The following TMEM204 variants were observed in gnomAD, a reference collection of about 807,000 sequenced individuals.
The protein encoded by TMEM204 is transmembrane protein 204.
In TMEM204, 15 loss-of-function variants were observed where a neutral mutation model predicts 19.4. The observed-to-expected ratio is 0.77, with a 90% CI of 0.52 to 1.19. The LOEUF (loss-of-function observed/expected upper bound fraction) is 1.19. Ranked by LOEUF, TMEM204 falls within the 50% of genes most tolerant of loss-of-function variation. The pLI is 0.00. For synonymous variants in TMEM204, 161 were observed against 146.0 expected (o/e 1.10, Z -0.74); for missense variants, 287 against 321.2 (o/e 0.89, Z 0.81).
In TMEM204 at chr16:1,553,296, CTCTCTGTGTCTCTG is replaced by C. The variant is rs979405297; in HGVS notation, c.437-1469_437-1456del. The C allele has an allele frequency of 2.0e-5, 20 of 983,444 alleles. No individual in the cohort carries two copies. In the South Asian group the frequency reaches 2.4e-4, roughly 12 times the overall value. The allele number at this position is 983,444 out of a possible 1,614,324, so 60.9% of individuals were successfully genotyped here. The stretch of plus-strand genomic sequence containing the variant: ...TCTGTCTCTCTGTGTCTCTGCCTGT[CTCTCTGTGTCTCTG>C]TCTCTGTGTCTCTGTCCCTGTGTCT... On this transcript the variant is annotated intron_variant, in intron 2 of 2. Transcript: ENST00000566264. The surrounding 1 kb of genome is among the most constrained non-coding windows in gnomAD (Gnocchi z 4.4).
At position 1,534,695 on chromosome 16, in the gene TMEM204, AG is replaced by A. The variant is rs549940723; in HGVS notation, c.280+145del. 35 of 1,269,952 alleles carry A rather than the reference AG, an allele frequency of 2.8e-5. No homozygotes were observed. In the African/African-American group the frequency reaches 5.1e-4, roughly 19 times the overall value. The allele number at this position is 1,269,952 out of a possible 1,614,324, so 78.7% of individuals were successfully genotyped here. A position where few individuals can be genotyped will look rare whatever the true frequency, so the allele number is the denominator to read the frequency against. ...TGAGCGTGGCCTCTGGGCAGGCAGGAGGGGGCACTGTGTCTCCCAGGGAACC... is the reference window on the plus strand; with the variant it reads ...TGAGCGTGGCCTCTGGGCAGGCAGGAGGGGCACTGTGTCTCCCAGGGAACC... On this transcript the variant is annotated intron_variant, in intron 1 of 2. Coordinates refer to ENST00000566264, the MANE Select transcript of TMEM204 (RefSeq NM_024600.6).
rs2032964888 is a variant in TMEM204 at position 1,554,916 on chromosome 16, C to T, written c.571C>T (p.Leu191Phe). 1 of 1,614,248 alleles carries T rather than the reference C, an allele frequency of 6.2e-7. No individual in the cohort carries two copies. The highest frequency in any genetic ancestry group is 1.6e-4 in the Middle Eastern group (1 of 6,062). ...GGCAGCCATGCTCATCTGGAACATT[C>T]TCCACAAGAGGGAGGACTGCATGGC... Reference protein sequence around the residue: ...LAAAMLIWNILHKREDCMAPR... With the variant: ...LAAAMLIWNIFHKREDCMAPR... The change falls in exon 3 of 3, where the codon CTC (leucine) becomes TTC (phenylalanine). Residue 191 changes from leucine to phenylalanine, a missense_variant. Leu to Phe is a conservative substitution (Grantham distance 22). Transcript: ENST00000566264.
intron 1 of TMEM204, among the ~76,000 whole-genome samples, chr16:1,536,038 G>A (rs999073610): frequency 6.6e-6 from 1 of 152,232 alleles, no homozygotes; most frequent in Non-Finnish European, 1.5e-5. Flanking sequence ...CCTGGAGGTG[G>A]GGCCGGGCGC....
upstream of TMEM204, chr16:1,530,745 C>CCCGTGGGGAGCGGGAGAG (rs2030386836): frequency 6.6e-6 from 1 of 152,274 alleles, no homozygotes; most frequent in African/African-American, 2.4e-5. Context: ...AGAGAGCCCG[C>CCCGTGGGGAGCGGGAGAG]AGGCCGGCCC....
rs117050042 is a variant in TMEM204, at chr16:1,536,882, A to G, written c.280+2327A>G. 1.1e-3 allele frequency among the ~76,000 whole-genome samples: 163 copies of G among 152,224 alleles called. 3 individuals are homozygous for G. In the South Asian group the frequency reaches 0.029, roughly 28 times the overall value. ...CCACTCACGTGCACCCATGTCCCCA[A>G]TCGGGTGAGGGGCTGCTACCTGCCA... On this transcript the variant is annotated intron_variant, in intron 1 of 2. Transcript: ENST00000566264.
chr16:1,543,611 C>T (rs906862499), intron 2 of TMEM204, among the ~76,000 whole-genome samples: 2 of 152,176 alleles, frequency 1.3e-5, no homozygotes, highest in Admixed American at 1.3e-4. Flanking sequence ...TGCCCAACTT[C>T]GAAAAGGGTA....
intron 1 of TMEM204, among the ~76,000 whole-genome samples, chr16:1,540,043 T>C (rs1056954632): frequency 1.3e-5 from 2 of 152,128 alleles, no homozygotes; most frequent in Non-Finnish European, 2.9e-5. Flanking sequence ...GGGAAGCAGC[T>C]TGAAATACAG....
intron 2 of TMEM204, among the ~76,000 whole-genome samples, chr16:1,548,865 C>T (rs761798197): frequency 3.9e-5 from 6 of 152,250 alleles, no homozygotes; most frequent in Non-Finnish European, 8.8e-5. Flanking sequence ...TAGCTACAGG[C>T]GCCTCTGCAT....
Position 1,541,543 on chromosome 16 carries a change from C to T in TMEM204, c.281-378C>T, listed in dbSNP as rs1397952768. ...GCTGTGAATTCAGTGACAGGGAAGC[C>T]GGTGTTGCTGGTGGGCTTCCCCTTC... is the stretch of plus-strand genomic sequence containing the variant. On this transcript the variant is annotated intron_variant, in intron 1 of 2. Transcript: ENST00000566264. The T allele has an allele frequency of 5.1e-6, 5 of 980,544 alleles. No individual in the cohort carries two copies. In the South Asian group the frequency reaches 1.9e-4, roughly 37 times the overall value. The allele number at this position is 980,544 out of a possible 1,614,324, so 60.7% of individuals were successfully genotyped here.
At position 1,553,234 on chromosome 16, in the gene TMEM204, CTG is replaced by C. The variant is rs1034802394; in HGVS notation, c.437-1544_437-1543del. 1.0e-6 allele frequency: 1 copy of C among 978,108 alleles called. No homozygotes were observed. Among genetic ancestry groups the C allele is most frequent in the Non-Finnish European group, 1.2e-6 (1 of 823,976 alleles). The allele number at this position is 978,108 out of a possible 1,614,324, so 60.6% of individuals were successfully genotyped here. ...TGTCTCTCTCTGTCTCCATCTGTCT[CTG>C]TGTCTGTCTCTGTCTCTCTGTATCT... On this transcript the variant is annotated intron_variant, in intron 2 of 2. Coordinates refer to ENST00000566264, the MANE Select transcript of TMEM204 (RefSeq NM_024600.6). This position sits in a 1 kb window ranked among gnomAD's most constrained non-coding sequence, Gnocchi z 4.4.
Position 1,551,205 on chromosome 16 carries a change from C to T in TMEM204, c.437-3577C>T, listed in dbSNP as rs2032605262. On this transcript the variant is annotated intron_variant, in intron 2 of 2. Coordinates refer to ENST00000566264, the MANE Select transcript of TMEM204 (RefSeq NM_024600.6). This position sits in a 1 kb window ranked among gnomAD's most constrained non-coding sequence, Gnocchi z 4.0. ...GCTGTGGTCAATGGTGGGGCAAGTT[C>T]TGGCCCCGGGGAGCCTGCCCTGTGG... Among the ~76,000 whole-genome samples, 1 of 152,250 alleles carries T rather than the reference C, an allele frequency of 6.6e-6. No individual in the cohort carries two copies. The highest frequency in any genetic ancestry group is 2.4e-5 in the African/African-American group (1 of 41,476).
At chr16:1,552,739 C>G (rs1357554847) in intron 2 of TMEM204, among the ~76,000 whole-genome samples, 1 of 150,354 alleles carries the variant, frequency 6.7e-6, no homozygotes, top group Non-Finnish European at 1.5e-5. Context: ...ACCTCCGCCT[C>G]TTGGGTTCAA....
intron 2 of TMEM204, among the ~76,000 whole-genome samples, chr16:1,544,871 A>G (rs995030456): frequency 9.2e-5 from 14 of 151,362 alleles, no homozygotes; most frequent in African/African-American, 3.4e-4. Flanking sequence ...GATGGTCTCG[A>G]TCTCCTGACC....
In TMEM204 at chr16:1,533,709, C is replaced by T. The variant is rs996518242; in HGVS notation, c.-567C>T. On this transcript the variant is annotated 5_prime_UTR_variant, in exon 1 of 3. Transcript: ENST00000566264. This position sits in a 1 kb window ranked among gnomAD's most constrained non-coding sequence, Gnocchi z 4.7. ...AGCCAGGGAAGGCGAGCTCTGCGCACACGGGCGTCCCTGCAGCAGCCACTC... is the reference window on the plus strand; with the variant it reads ...AGCCAGGGAAGGCGAGCTCTGCGCATACGGGCGTCCCTGCAGCAGCCACTC... 6.5e-6 allele frequency: 1 copy of T among 153,614 alleles called. No individual in the cohort carries two copies. The highest frequency in any genetic ancestry group is 1.4e-5 in the Non-Finnish European group (1 of 69,044). 9.5% of individuals were successfully genotyped at this position (153,614 alleles called of 1,614,324 possible).
upstream of TMEM204, among the ~76,000 whole-genome samples, chr16:1,530,131 A>ATTTTTTTTTTTTTTTTTTTT (rs2030295926): frequency 1.6e-5 from 2 of 126,538 alleles, no homozygotes; most frequent in African/African-American, 7.4e-5. Context: ...CACGACGGGA[A>ATTTTTTTTTTTTTTTTTTTT]TCTTTTTTTT....
At chr16:1,546,121 C>T (rs140850623) in intron 2 of TMEM204, among the ~76,000 whole-genome samples, 29 of 152,300 alleles carry the variant, frequency 1.9e-4, no homozygotes, top group African/African-American at 5.8e-4. Flanking sequence ...CAGATAGGCA[C>T]GGGCAGAGAG....
intron 2 of TMEM204, among the ~76,000 whole-genome samples, chr16:1,545,332 G>A (rs775427912): frequency 3.9e-5 from 6 of 152,148 alleles, no homozygotes; most frequent in Non-Finnish European, 7.4e-5. Context: ...CTGGTGTCTC[G>A]GTGGCTTTTC....
chr16:1,546,048 G>A (rs994157578), intron 2 of TMEM204, among the ~76,000 whole-genome samples: 7 of 152,200 alleles, frequency 4.6e-5, no homozygotes, highest in African/African-American at 1.2e-4. Flanking sequence ...TCTCCTCCTC[G>A]TGGCCTCTTT....
At chr16:1,530,016 G>A (rs945635890), upstream of TMEM204, among the ~76,000 whole-genome samples, 1 of 152,146 alleles carries the variant, frequency 6.6e-6, no homozygotes, top group African/African-American at 2.4e-5. Context: ...TAACATCTGG[G>A]TGGTGGCAGC....
Sources: allele counts gnomAD v4.1 joint callset (sites outside exome capture counted in the v4.1 genomes callset), GRCh38; gene constraint gnomAD v4.1.1; non-coding constraint Gnocchi (gnomAD v3.1); transcripts MANE v1.5; gene names NCBI Gene and HGNC (gene_info 2026-07-23, HGNC 2026-07-21).